DPP10: variants seen among roughly 807,000 people sequenced by gnomAD.
DPP10 encodes dipeptidyl peptidase like 10.
DPP10 carries 33 observed loss-of-function variants against 120.9 expected under a neutral mutation model. The observed-to-expected ratio is 0.27, with a 90% CI of 0.21 to 0.37. The LOEUF (loss-of-function observed/expected upper bound fraction) is 0.37. Ranked by LOEUF, DPP10 falls within the 10% of genes least tolerant of loss-of-function variation. The probability of loss-of-function intolerance (pLI) is 1.00; values close to 1 mark genes in which losing one functional copy is unlikely to be tolerated. For missense variants in DPP10, 816 were observed against 942.8 expected (o/e 0.87, Z 1.76); for synonymous variants, 337 against 326.1 (o/e 1.03, Z -0.36).
At chr2:114,743,090 G>C (rs568186478) in intron 1 of DPP10, among the ~76,000 whole-genome samples, 36 of 152,250 alleles carry the variant, frequency 2.4e-4, no homozygotes, top group South Asian at 1.2e-3. Flanking sequence ...TTTCTTCTGC[G>C]TAAAGACAAA....
At chr2:115,825,234 C>CT (rs1284194377) in intron 21 of DPP10, among the ~76,000 whole-genome samples, 1 of 152,126 alleles carries the variant, frequency 6.6e-6, no homozygotes, top group Non-Finnish European at 1.5e-5. Flanking sequence ...TGCCTTTTAA[C>CT]TTTTTTCTAA....
At chr2:114,762,084 T>A (rs1680332211) in intron 1 of DPP10, among the ~76,000 whole-genome samples, 1 of 152,176 alleles carries the variant, frequency 6.6e-6, no homozygotes, top group African/African-American at 2.4e-5. Flanking sequence ...AAGCAGATGC[T>A]ACGCCTCTGA....
At chr2:115,546,920 T>A (rs1348252074) in intron 5 of DPP10, among the ~76,000 whole-genome samples, 1 of 152,150 alleles carries the variant, frequency 6.6e-6, no homozygotes, top group Non-Finnish European at 1.5e-5. Flanking sequence ...AAAAATGCAA[T>A]TTAATTCAAA....
intron 10 of DPP10, among the ~76,000 whole-genome samples, chr2:115,751,013 A>T (rs1335321072): frequency 6.6e-6 from 1 of 152,156 alleles, no homozygotes; most frequent in Non-Finnish European, 1.5e-5. Context: ...CAAATTTCTG[A>T]TTATATTAGA....
chr2:115,008,079 T>C (rs1260045095), intron 1 of DPP10, among the ~76,000 whole-genome samples: 2 of 145,420 alleles, frequency 1.4e-5, no homozygotes, highest in Non-Finnish European at 3.0e-5. Context: ...AAAAACTACT[T>C]TAAAGTTCAT....
At chr2:114,860,332 A>T (rs1689713156) in intron 1 of DPP10, among the ~76,000 whole-genome samples, 1 of 152,148 alleles carries the variant, frequency 6.6e-6, no homozygotes, top group African/African-American at 2.4e-5. Context: ...TACGCCTGTT[A>T]TTTCTTTTTC....
At chr2:115,702,370 C>A (rs1317067714) in intron 7 of DPP10, among the ~76,000 whole-genome samples, 3 of 151,976 alleles carry the variant, frequency 2.0e-5, no homozygotes, top group Admixed American at 6.6e-5. Context: ...AAAGTTCCCA[C>A]AAACTTTGTA....
intron 12 of DPP10, among the ~76,000 whole-genome samples, chr2:115,764,047 C>T (rs1177764914): frequency 6.6e-6 from 1 of 152,104 alleles, no homozygotes; most frequent in Admixed American, 6.6e-5. Flanking sequence ...CTCTAACTAG[C>T]CTAACCAAAT....
intron 1 of DPP10, among the ~76,000 whole-genome samples, chr2:114,834,838 A>G (rs893374236): frequency 6.6e-6 from 1 of 150,428 alleles, no homozygotes; most frequent in Admixed American, 6.6e-5. Flanking sequence ...ATGTATATAT[A>G]AGCCATGTCT....
intron 1 of DPP10, among the ~76,000 whole-genome samples, chr2:115,235,698 G>A (rs1189820646): frequency 6.6e-6 from 1 of 152,004 alleles, no homozygotes; most frequent in African/African-American, 2.4e-5. Context: ...AATAGTTGGG[G>A]TTACAGGTGC....
At chr2:115,456,726 C>T (rs907144691) in intron 3 of DPP10, among the ~76,000 whole-genome samples, 1 of 152,038 alleles carries the variant, frequency 6.6e-6, no homozygotes, top group Non-Finnish European at 1.5e-5. Context: ...AACCAAACAC[C>T]ACATGCTCTC....
At chr2:114,800,346 C>A (rs768688198) in intron 1 of DPP10, among the ~76,000 whole-genome samples, 2 of 152,180 alleles carry the variant, frequency 1.3e-5, no homozygotes, top group Non-Finnish European at 2.9e-5. Flanking sequence ...ATGTAAATTA[C>A]TTTTTATACA....
intron 7 of DPP10, among the ~76,000 whole-genome samples, chr2:115,707,580 A>G (rs1353154840): frequency 1.5e-5 from 2 of 129,586 alleles, no homozygotes; most frequent in African/African-American, 5.0e-5. Flanking sequence ...GTGTCTCAAG[A>G]CATACATTGA....
chr2:114,723,754 C>A (rs1701861131), intron 1 of DPP10, among the ~76,000 whole-genome samples: 1 of 152,058 alleles, frequency 6.6e-6, no homozygotes, highest in South Asian at 2.1e-4. Flanking sequence ...AGTTCTTCAT[C>A]TTCTTTGACA....
intron 1 of DPP10, among the ~76,000 whole-genome samples, chr2:114,917,793 T>C (rs888816187): frequency 3.3e-5 from 5 of 152,048 alleles, no homozygotes; most frequent in African/African-American, 7.2e-5. Context: ...TTTCCCCACA[T>C]ACAAAAATCA....
intron 1 of DPP10, among the ~76,000 whole-genome samples, chr2:114,777,131 A>G (rs319840): frequency 0.42 from 64,436 of 151,828 alleles, 13,999 homozygotes; most frequent in South Asian, 0.49. Context: ...AATGAAATGT[A>G]CTCTTTGAGA....
chr2:114,580,772 G>A (rs1296103351), intron 1 of DPP10, among the ~76,000 whole-genome samples: 1 of 146,836 alleles, frequency 6.8e-6, no homozygotes, highest in Non-Finnish European at 1.5e-5. Flanking sequence ...TTAAATTATA[G>A]GAAGAACAAA....
At chr2:114,898,645 A>G (rs558324368) in intron 1 of DPP10, among the ~76,000 whole-genome samples, 2 of 152,298 alleles carry the variant, frequency 1.3e-5, no homozygotes, top group Admixed American at 6.5e-5. Context: ...TGAAATGTCT[A>G]TATTGGGTAG....
chr2:114,567,030 T>C (rs11683255), intron 1 of DPP10, among the ~76,000 whole-genome samples: 33,031 of 152,110 alleles, frequency 0.22, 3,856 homozygotes, highest in African/African-American at 0.29. Context: ...GCACAACCCT[T>C]GCCTCTGACT....
Sources: allele counts gnomAD v4.1 joint callset (sites outside exome capture counted in the v4.1 genomes callset), GRCh38; gene constraint gnomAD v4.1.1; transcripts MANE v1.5; gene names NCBI Gene and HGNC (gene_info 2026-07-23, HGNC 2026-07-21).